Variants in MYBPC1 observed in about 807,000 individuals in gnomAD.
MYBPC1 encodes myosin-binding protein C, slow-type.
Under a neutral mutation model 147.1 loss-of-function variants are expected in MYBPC1, and 52 were observed. That is an observed-to-expected ratio of 0.35 (90% CI 0.28 to 0.45). The LOEUF is 0.45. Among genes scored for constraint, MYBPC1 ranks in the 20% least tolerant of loss-of-function variants. The pLI is 1.00. For missense variants in MYBPC1, 1,228 were observed against 1,440.3 expected, an observed-to-expected ratio of 0.85 and a Z score of 2.39; for synonymous variants, 477 against 475.9, an observed-to-expected ratio of 1.00 and a Z score of -0.03.
intron 18 of MYBPC1, among the ~76,000 whole-genome samples, chr12:101,655,739 T>C (rs527373274): frequency 1.3e-5 from 2 of 152,266 alleles, no homozygotes; most frequent in South Asian, 2.1e-4. Flanking sequence ...AACAAAACTT[T>C]AGGGAATTTG....
intron 10 of MYBPC1, 55 bp downstream of exon 10, chr12:101,636,783 C>A: frequency 6.9e-7 from 1 of 1,443,820 alleles, no homozygotes; most frequent in Non-Finnish European, 9.7e-7. Flanking sequence ...TTCAGACACC[C>A]ACTCAGAGAA....
At chr12:101,627,945 T>C in intron 5 of MYBPC1, 141 bp downstream of exon 5, 1 of 1,013,406 alleles carries the variant, frequency 9.9e-7, no homozygotes. Flanking sequence ...ACGTTTCCTC[T>C]TACAAGAAAA....
intron 11 of MYBPC1, among the ~76,000 whole-genome samples, chr12:101,643,771 T>C (rs755884018): frequency 6.6e-5 from 10 of 152,190 alleles, no homozygotes; most frequent in Admixed American, 3.3e-4. Context: ...TCTATGTTAT[T>C]TAAAATATTT....
chr12:101,669,932 AAAAAAAAG>A (rs764227073), intron 23 of MYBPC1: 43 of 334,230 alleles, frequency 1.3e-4, no homozygotes, highest in Admixed American at 2.0e-4. Context: ...CTCTCTGAAA[AAAAAAAAG>A]AAAAAAAAAA....
At chr12:101,667,964 C>A in intron 23 of MYBPC1, 65 bp downstream of exon 23, 1 of 1,547,146 alleles carries the variant, frequency 6.5e-7, no homozygotes, top group South Asian at 1.2e-5. Flanking sequence ...TTTCTTCAAA[C>A]TACTTTCTTT....
chr12:101,612,246 G>A (rs937357864), intron 1 of MYBPC1, among the ~76,000 whole-genome samples: 3 of 152,108 alleles, frequency 2.0e-5, no homozygotes, highest in Non-Finnish European at 2.9e-5. Context: ...GGCACCCTAA[G>A]AGGTTATTTA....
downstream of MYBPC1, among the ~76,000 whole-genome samples, chr12:101,686,534 A>G (rs17031880): frequency 0.039 from 6,004 of 152,314 alleles, 378 homozygotes; most frequent in African/African-American, 0.14. Flanking sequence ...ATACTAACCC[A>G]TAATATTTTC....
chr12:101,596,231 G>A (rs1043200919), intron 1 of MYBPC1, among the ~76,000 whole-genome samples: 1 of 152,130 alleles, frequency 6.6e-6, no homozygotes, highest in Non-Finnish European at 1.5e-5. Flanking sequence ...GTGTTGACAG[G>A]CTGTGGTGAT....
intron 1 of MYBPC1, among the ~76,000 whole-genome samples, chr12:101,595,581 CAT>C (rs1187017081): frequency 4.6e-5 from 7 of 151,978 alleles, no homozygotes; most frequent in African/African-American, 7.2e-5. Flanking sequence ...TTAATGGAAA[CAT>C]ATTTAAAATA....
intron 18 of MYBPC1, among the ~76,000 whole-genome samples, chr12:101,654,973 C>A (rs1262515318): frequency 6.6e-6 from 1 of 152,106 alleles, no homozygotes; most frequent in East Asian, 1.9e-4. Context: ...TATAGGAATA[C>A]AAAAATATCA....
At chr12:101,608,026 C>T (rs1057309269) in intron 1 of MYBPC1, among the ~76,000 whole-genome samples, 18 of 152,340 alleles carry the variant, frequency 1.2e-4, no homozygotes, top group African/African-American at 4.3e-4. Flanking sequence ...TTCATAGCTG[C>T]CACCAGTGCC....
rs79946852 is a variant in MYBPC1, at chr12:101,676,071, C to T, written c.2949+640C>T. On this transcript the variant is annotated intron_variant, in intron 26 of 31. Transcript: ENST00000361466. ...CACATATTTGTAAACTTTCTTAAAA[C>T]GTTATGAGTTTTTTTATGATTTTTT... Among the ~76,000 whole-genome samples, 753 of 152,254 alleles carry T rather than the reference C, an allele frequency of 4.9e-3. 15 individuals carry two copies. Among genetic ancestry groups the T allele is most frequent in the African/African-American group, 0.017 (719 of 41,546 alleles).
At chr12:101,659,976 A>T in intron 19 of MYBPC1, 145 bp downstream of exon 19, 2 of 1,083,126 alleles carry the variant, frequency 1.8e-6, no homozygotes, top group African/African-American at 1.6e-5. Context: ...AGGACTTATC[A>T]TTGGAGAAAG....
At chr12:101,659,372 GATCAAAT>G (rs1260892223) in intron 18 of MYBPC1, among the ~76,000 whole-genome samples, 3 of 152,084 alleles carry the variant, frequency 2.0e-5, no homozygotes, top group Admixed American at 6.5e-5. Context: ...TGGGCTTTGG[GATCAAAT>G]CCCATTTCTG....
chr12:101,618,814 C>T (rs1439121663), intron 3 of MYBPC1, among the ~76,000 whole-genome samples: 1 of 151,238 alleles, frequency 6.6e-6, no homozygotes, highest in Non-Finnish European at 1.5e-5. Flanking sequence ...TAAGCAAAAC[C>T]ATGACCACAT....
intron 11 of MYBPC1, among the ~76,000 whole-genome samples, chr12:101,642,799 G>A (rs1285391337): frequency 1.3e-5 from 2 of 152,142 alleles, no homozygotes; most frequent in East Asian, 1.9e-4. Context: ...GAATGGAATA[G>A]TACATTACCC....
chr12:101,678,327 G>A, intron 28 of MYBPC1, 89 bp downstream of exon 28: 14 of 1,551,420 alleles, frequency 9.0e-6, no homozygotes, highest in Admixed American at 1.7e-5. Flanking sequence ...AAATCCAGCT[G>A]CTACTTGTGT....
chr12:101,631,491 C>T lies in MYBPC1; in HGVS notation c.290-80C>T, dbSNP rs1889883352. On this transcript the variant is annotated intron_variant, in intron 6 of 31. Coordinates refer to ENST00000361466, the MANE Select transcript of MYBPC1 (RefSeq NM_002465.4). ...TCACACCATATTCTGTAGTGCAGTC[C>T]CATGTCAACTCCTTCCAGTTGAAAG... 14 of 1,452,820 alleles carry T rather than the reference C, an allele frequency of 9.6e-6. No individual in the cohort carries two copies. The South Asian group carries it at 1.7e-4, about 17-fold the overall frequency. 90.0% of individuals were successfully genotyped at this position (1,452,820 alleles called of 1,614,324 possible).
At position 101,610,318 on chromosome 12, in the gene MYBPC1, A is replaced by C. The variant is rs150558022; in HGVS notation, c.26-4178A>C. Among the ~76,000 whole-genome samples, 512 of 152,342 alleles carry C rather than the reference A, an allele frequency of 3.4e-3. 6 individuals carry two copies. The highest frequency in any genetic ancestry group is 0.012 in the African/African-American group (493 of 41,578). ...ATCTGCAGTGTAAAAACTATAATGC[A>C]TAAAAATTGCATCGAGCTCAACTAC... On this transcript the variant is annotated intron_variant, in intron 1 of 31. Coordinates refer to ENST00000361466, the MANE Select transcript of MYBPC1 (RefSeq NM_002465.4).
Sources: gnomAD v4.1 joint callset for allele counts (sites outside exome capture counted in the v4.1 genomes callset) on GRCh38, gnomAD v4.1.1 for gene constraint, MANE v1.5 for transcripts, NCBI Gene and HGNC (gene_info 2026-07-23, HGNC 2026-07-21) for gene names.